The following SLC22A25 variants were observed in gnomAD, a reference collection of about 807,000 sequenced individuals.
SLC22A25 encodes the protein solute carrier family 22 member 25, also known as MGI:2442751, MGI:2385316, MGI:3042283, MGI:3645714, MGI:3605624, MGI:2442750.
A neutral mutation model predicts 45.9 loss-of-function variants in SLC22A25; 44 were observed. The ratio of observed to expected loss-of-function variants is 0.96; its 90% CI spans 0.75 to 1.23. The LOEUF (loss-of-function observed/expected upper bound fraction) is 1.23, where lower values mean the gene tolerates loss of function less well. SLC22A25 is among the 50% of genes most tolerant of loss of function. The probability of loss-of-function intolerance (pLI) is 0.00; values close to 1 mark genes in which losing one functional copy is unlikely to be tolerated. For synonymous variants in SLC22A25, 283 were observed against 238.6 expected (o/e 1.19, Z -1.72); for missense variants, 800 against 666.4 (o/e 1.20, Z -2.21).
chr11:63,181,578 C>T (rs1481321912), intron 8 of SLC22A25, among the ~76,000 whole-genome samples: 2 of 152,080 alleles, frequency 1.3e-5, no homozygotes, highest in Non-Finnish European at 2.9e-5. Context: ...GAACAAGTTT[C>T]AACAGGGATA....
chr11:63,239,412 A>G (rs1179081144), intron 1 of SLC22A25, among the ~76,000 whole-genome samples: 3 of 152,234 alleles, frequency 2.0e-5, no homozygotes, highest in Admixed American at 1.3e-4. Flanking sequence ...TGTTATCAGC[A>G]GCACCTCACA....
At chr11:63,184,308 C>A (rs1354904278) in intron 7 of SLC22A25, among the ~76,000 whole-genome samples, 1 of 152,066 alleles carries the variant, frequency 6.6e-6, no homozygotes, top group Non-Finnish European at 1.5e-5. Context: ...TCAGTTTGCT[C>A]ATCTATGTAA....
At chr11:63,170,528 A>G (rs1276386244) in intron 9 of SLC22A25, among the ~76,000 whole-genome samples, 1 of 152,220 alleles carries the variant, frequency 6.6e-6, no homozygotes, top group East Asian at 1.9e-4. Context: ...GTCAGAGAAT[A>G]CTATAAACAC....
chr11:63,191,721 A>C (rs953664735), intron 7 of SLC22A25, among the ~76,000 whole-genome samples: 1 of 152,190 alleles, frequency 6.6e-6, no homozygotes, highest in Non-Finnish European at 1.5e-5. Context: ...AAAGCAGAAT[A>C]AACTAAGAAG....
intron 7 of SLC22A25, among the ~76,000 whole-genome samples, chr11:63,205,972 T>C (rs1470358009): frequency 6.6e-6 from 1 of 152,156 alleles, no homozygotes; most frequent in Non-Finnish European, 1.5e-5. Flanking sequence ...GCTTCATCCC[T>C]GGGATGCAAG....
chr11:63,216,392 A>G (rs1238197199), intron 7 of SLC22A25, among the ~76,000 whole-genome samples: 1 of 152,320 alleles, frequency 6.6e-6, no homozygotes, highest in East Asian at 1.9e-4. Flanking sequence ...AAAGGACTAG[A>G]AACTCTTCTA....
chr11:63,173,724 G>A (rs531863744), intron 9 of SLC22A25, among the ~76,000 whole-genome samples: 148 of 152,176 alleles, frequency 9.7e-4, no homozygotes, highest in Admixed American at 2.6e-3. Flanking sequence ...TCACTGCCAT[G>A]TACATTTCTC....
At chr11:63,189,372 G>GT (rs2088701056) in intron 7 of SLC22A25, among the ~76,000 whole-genome samples, 2 of 152,082 alleles carry the variant, frequency 1.3e-5, no homozygotes, top group African/African-American at 4.8e-5. Flanking sequence ...TGCTACCCCT[G>GT]CTTTTTTTTG....
intron 7 of SLC22A25, among the ~76,000 whole-genome samples, chr11:63,194,938 C>CAAAAAAAAAA: frequency 1.5e-5 from 1 of 68,362 alleles, no homozygotes; most frequent in Non-Finnish European, 3.1e-5. Context: ...AAAAAAAAAG[C>CAAAAAAAAAA]AGGGGTTGCA....
intron 7 of SLC22A25, among the ~76,000 whole-genome samples, chr11:63,196,248 T>G (rs2089024917): frequency 6.6e-6 from 1 of 152,192 alleles, no homozygotes; most frequent in Admixed American, 6.5e-5. Flanking sequence ...CCATAACTCA[T>G]TTTATGAGGC....
chr11:63,189,660 C>T (rs1034893181), intron 7 of SLC22A25, among the ~76,000 whole-genome samples: 6 of 152,118 alleles, frequency 3.9e-5, no homozygotes, highest in African/African-American at 1.4e-4. Flanking sequence ...TACAATTTGG[C>T]ATGTTTCTGC....
In SLC22A25 at chr11:63,217,496, C is replaced by G; in HGVS notation, c.662-14G>C. The G allele has an allele frequency of 6.2e-7, 1 of 1,612,558 alleles. No individual in the cohort carries two copies. Among genetic ancestry groups the G allele is most frequent in the Non-Finnish European group, 8.5e-7 (1 of 1,179,004 alleles). On this transcript the variant is annotated splice_polypyrimidine_tract_variant and intron_variant, in intron 6 of 11. Transcript: ENST00000306494. ...TCCACTCTACAACTGAAAGAAAACACAAACAAGATTTAGCTTTAAATACAG... is the reference window on the plus strand; with the variant it reads ...TCCACTCTACAACTGAAAGAAAACAGAAACAAGATTTAGCTTTAAATACAG...
chr11:63,232,801 T>G (rs917905107), intron 3 of SLC22A25, among the ~76,000 whole-genome samples: 1 of 152,140 alleles, frequency 6.6e-6, no homozygotes, highest in African/African-American at 2.4e-5. Flanking sequence ...ATTTTGAGAT[T>G]CGTCCTATCA....
At chr11:63,213,940 C>T (rs1386753314) in intron 7 of SLC22A25, among the ~76,000 whole-genome samples, 1 of 152,178 alleles carries the variant, frequency 6.6e-6, no homozygotes, top group East Asian at 1.9e-4. Flanking sequence ...GGGACTTCCA[C>T]TCAGAAGGCT....
In SLC22A25 at chr11:63,163,759, C is replaced by T; in HGVS notation, c.*65G>A. On this transcript the variant is annotated 3_prime_UTR_variant, in exon 12 of 12. Coordinates refer to ENST00000306494, the MANE Select transcript of SLC22A25 (RefSeq NM_199352.6). ...AAAGGCACTGACTACATGGGAATAG[C>T]CCAGATCTAAGCCTTTTTGGGGGAT... 1.9e-6 allele frequency: 3 copies of T among 1,547,206 alleles called. No homozygotes were observed. Among genetic ancestry groups the T allele is most frequent in the Non-Finnish European group, 2.6e-6 (3 of 1,149,896 alleles).
At chr11:63,230,874 C>T (rs946179273) in intron 3 of SLC22A25, among the ~76,000 whole-genome samples, 16 of 151,920 alleles carry the variant, frequency 1.1e-4, no homozygotes, top group Admixed American at 1.0e-3. Context: ...TTGTTCAATT[C>T]CCACCTATGA....
chr11:63,166,163 G>A lies in SLC22A25; in HGVS notation c.1166C>T (p.Thr389Ile), dbSNP rs756676547. The change falls in exon 10 of 12, where the codon ACC becomes ATC. Residue 389 changes from threonine to isoleucine, a missense_variant. By Grantham distance (89) the Thr-to-Ile change is moderately conservative (BLOSUM62 -1). Coordinates refer to ENST00000306494, the MANE Select transcript of SLC22A25 (RefSeq NM_199352.6). ...FLLQTLFGAV[T>I]LLANCVAPWA... ...AGGTGCAACACAATTGGCCAGGAGG[G>A]TGACTGCACCAAAGAGAGTCTGCAA... The A allele has an allele frequency of 4.3e-6, 7 of 1,614,046 alleles. No individual in the cohort carries two copies. Among genetic ancestry groups the A allele is most frequent in the Non-Finnish European group, 5.1e-6 (6 of 1,179,960 alleles).
Position 63,180,699 on chromosome 11 carries a change from G to A in SLC22A25, c.1031C>T (p.Pro344Leu), listed in dbSNP as rs540782615. ...GAAACAGATTCTTTTACATATGTTG[G>A]GTATGCGGAGCAATTCACAAAGAGA... ...KHSLCELLRI[P>L]NICKRICFLS... The change falls in exon 9 of 12, where the codon CCC becomes CTC. Residue 344 changes from proline to leucine, a missense_variant. Pro to Leu is a moderately conservative substitution (Grantham distance 98, BLOSUM62 -3). Coordinates refer to ENST00000306494, the MANE Select transcript of SLC22A25 (RefSeq NM_199352.6). 2.5e-5 allele frequency: 40 copies of A among 1,612,974 alleles called. No individual in the cohort carries two copies. The Middle Eastern group carries it at 5.0e-4, about 20-fold the overall frequency.
rs528669887 is a variant in SLC22A25, at chr11:63,161,591, T to C, written c.*2233A>G. 3.3e-5 allele frequency among the ~76,000 whole-genome samples: 5 copies of C among 152,176 alleles called. No homozygotes were observed. The highest frequency in any genetic ancestry group is 7.2e-5 in the African/African-American group (3 of 41,454). ...TAAATCTCACATGATCTGATGGTTT[T>C]ATAAAAGGGAGTTTCCCTGCAAAAA... On this transcript the variant is annotated 3_prime_UTR_variant, in exon 12 of 12. Coordinates refer to ENST00000306494, the MANE Select transcript of SLC22A25 (RefSeq NM_199352.6).
Sources: gnomAD v4.1 joint callset for allele counts (sites outside exome capture counted in the v4.1 genomes callset) on GRCh38, gnomAD v4.1.1 for gene constraint, MANE v1.5 for transcripts, NCBI Gene and HGNC (gene_info 2026-07-23, HGNC 2026-07-21) for gene names.